ZFPM2: variants seen among roughly 807,000 people sequenced by gnomAD.
ZFPM2 encodes zinc finger protein ZFPM2.
A neutral mutation model predicts 98.6 loss-of-function variants in ZFPM2; 20 were observed. That is an observed-to-expected ratio of 0.20 (90% CI 0.14 to 0.29). The LOEUF is 0.29. Among genes scored for constraint, ZFPM2 ranks in the 10% least tolerant of loss-of-function variants. The pLI is 1.00. For missense variants in ZFPM2, 1,310 were observed against 1,388.6 expected, an observed-to-expected ratio of 0.94 and a Z score of 0.90; for synonymous variants, 518 against 502.7, an observed-to-expected ratio of 1.03 and a Z score of -0.41.
At chr8:105,574,660 G>T (rs1290399019) in intron 4 of ZFPM2, among the ~76,000 whole-genome samples, 1 of 152,054 alleles carries the variant, frequency 6.6e-6, no homozygotes, top group East Asian at 1.9e-4. Flanking sequence ...CACGTCACGT[G>T]CCTTAAGTTT....
At chr8:105,728,585 A>G (rs1452672848) in intron 5 of ZFPM2, among the ~76,000 whole-genome samples, 3 of 151,780 alleles carry the variant, frequency 2.0e-5, no homozygotes, top group Non-Finnish European at 4.4e-5. Context: ...CTGCCTGTCA[A>G]TGAGACAGGG....
intron 3 of ZFPM2, among the ~76,000 whole-genome samples, chr8:105,503,609 G>A (rs1197262496): frequency 6.6e-6 from 1 of 152,100 alleles, no homozygotes; most frequent in Non-Finnish European, 1.5e-5. Flanking sequence ...CTGTGAGCAG[G>A]GTTATGTGAT....
rs1313698593 is a variant in ZFPM2 at position 105,441,466 on chromosome 8, G to GA, written c.200-2811dup. Among the ~76,000 whole-genome samples, 11 of 64,410 alleles carry GA rather than the reference G, an allele frequency of 1.7e-4. 1 individual carries two copies. Among genetic ancestry groups the GA allele is most frequent in the African/African-American group, 7.3e-4 (5 of 6,870 alleles). 42.3% of individuals were successfully genotyped at this position (64,410 alleles called of 152,430 possible). On this transcript the variant is annotated intron_variant, in intron 2 of 7. Transcript: ENST00000407775. The stretch of plus-strand genomic sequence containing the variant: ...AGAGAGAGAGAGAGAAAGAAAGAAA[G>GA]AAAGAAAGAAAGAAAGAAAGAAAGA...
In ZFPM2 at chr8:105,405,378, C is replaced by T. The variant is rs1415945732; in HGVS notation, c.41-13766C>T. ...ATGTGCCATGTTGGTGTGCTGCACCCATTAACTCGTCATTTAGCATTAGAT... is the reference window on the plus strand; with the variant it reads ...ATGTGCCATGTTGGTGTGCTGCACCTATTAACTCGTCATTTAGCATTAGAT... On this transcript the variant is annotated intron_variant, in intron 1 of 7. Coordinates refer to ENST00000407775, the MANE Select transcript of ZFPM2 (RefSeq NM_012082.4). 2.6e-5 allele frequency among the ~76,000 whole-genome samples: 4 copies of T among 151,518 alleles called. 1 individual carries two copies. Among genetic ancestry groups the T allele is most frequent in the Admixed American group, 1.3e-4 (2 of 15,156 alleles).
At chr8:105,718,675 A>G (rs1272851726) in intron 5 of ZFPM2, among the ~76,000 whole-genome samples, 1 of 151,918 alleles carries the variant, frequency 6.6e-6, no homozygotes, top group Non-Finnish European at 1.5e-5. Context: ...AAACACATAC[A>G]GTGGAATTAC....
At chr8:105,696,372 C>T (rs772795554) in intron 5 of ZFPM2, among the ~76,000 whole-genome samples, 4 of 152,148 alleles carry the variant, frequency 2.6e-5, no homozygotes, top group East Asian at 1.9e-4. Context: ...CTGTCACCTG[C>T]GTAATAAAGT....
chr8:105,463,748 C>G, intron 3 of ZFPM2, among the ~76,000 whole-genome samples: 1 of 151,974 alleles, frequency 6.6e-6, no homozygotes, highest in East Asian at 1.9e-4. Context: ...AAGGCTGTTA[C>G]ATTTTTTTTT....
chr8:105,748,038 T>C (rs1812388066), intron 5 of ZFPM2, among the ~76,000 whole-genome samples: 1 of 152,124 alleles, frequency 6.6e-6, no homozygotes, highest in Admixed American at 6.6e-5. Context: ...TTGACCATAA[T>C]GTCTTAACAG....
chr8:105,377,883 A>G (rs550977612), intron 1 of ZFPM2, among the ~76,000 whole-genome samples: 1 of 152,228 alleles, frequency 6.6e-6, no homozygotes, highest in East Asian at 1.9e-4. Flanking sequence ...TTCCCTCTTA[A>G]CAACAATTTG....
intron 3 of ZFPM2, among the ~76,000 whole-genome samples, chr8:105,543,363 G>A (rs901773175): frequency 6.6e-6 from 1 of 152,084 alleles, no homozygotes; most frequent in African/African-American, 2.4e-5. Flanking sequence ...GCCCACACCT[G>A]TGGTCCCAGC....
At position 105,441,018 on chromosome 8, in the gene ZFPM2, G is replaced by A. The variant is rs1198112372; in HGVS notation, c.200-3262G>A. Among the ~76,000 whole-genome samples, 2 of 152,036 alleles carry A rather than the reference G, an allele frequency of 1.3e-5. 1 individual carries two copies. The highest frequency in any genetic ancestry group is 2.9e-5 in the Non-Finnish European group (2 of 68,028). On this transcript the variant is annotated intron_variant, in intron 2 of 7. Coordinates refer to ENST00000407775, the MANE Select transcript of ZFPM2 (RefSeq NM_012082.4). ...TACAAAAAAAAAATTAGCCAGGCAT[G>A]GTGGCGCCTGCCTGTAATCCCAGCT... is the stretch of plus-strand genomic sequence containing the variant.
At chr8:105,590,839 C>G (rs1815827167) in intron 4 of ZFPM2, among the ~76,000 whole-genome samples, 2 of 152,174 alleles carry the variant, frequency 1.3e-5, no homozygotes, top group South Asian at 4.1e-4. Context: ...TCACTTTACA[C>G]AAGACACATG....
intron 3 of ZFPM2, among the ~76,000 whole-genome samples, chr8:105,453,609 T>G (rs1280462197): frequency 6.6e-6 from 1 of 150,844 alleles, no homozygotes; most frequent in Non-Finnish European, 1.5e-5. Context: ...CCTTCTAAAT[T>G]TTTTTTTCTG....
chr8:105,446,155 C>T (rs1202698293), intron 3 of ZFPM2, among the ~76,000 whole-genome samples: 7 of 152,066 alleles, frequency 4.6e-5, no homozygotes, highest in Admixed American at 1.3e-4. Flanking sequence ...CTCCTGACCT[C>T]GTGATCCTCC....
intron 3 of ZFPM2, among the ~76,000 whole-genome samples, chr8:105,518,557 A>G (rs1481859764): frequency 6.6e-6 from 1 of 152,234 alleles, no homozygotes; most frequent in African/African-American, 2.4e-5. Flanking sequence ...CACTGAAATC[A>G]TGCAGATTCC....
intron 4 of ZFPM2, among the ~76,000 whole-genome samples, chr8:105,606,558 A>T (rs1161346541): frequency 1.3e-5 from 2 of 152,082 alleles, no homozygotes; most frequent in African/African-American, 2.4e-5. Flanking sequence ...TTTGAATTTT[A>T]AAATAGGTTA....
rs184627029 is a variant in ZFPM2, at chr8:105,324,096, A to G, written c.40+5115A>G. On this transcript the variant is annotated intron_variant, in intron 1 of 7. Transcript: ENST00000407775. The stretch of plus-strand genomic sequence containing the variant: ...TGCCATATATTAAGTTGGTATTATT[A>G]AGTTAGGAAGGAAGACAATGCAATT... Among the ~76,000 whole-genome samples the G allele has an allele frequency of 2.2e-3, 332 of 151,930 alleles. 2 individuals carry two copies. The highest frequency in any genetic ancestry group is 7.7e-3 in the African/African-American group (321 of 41,534).
intron 4 of ZFPM2, among the ~76,000 whole-genome samples, chr8:105,618,923 C>G (rs1003660901): frequency 6.6e-6 from 1 of 151,912 alleles, no homozygotes; most frequent in African/African-American, 2.4e-5. Context: ...GGTTATATTT[C>G]CCAAAATATA....
intron 3 of ZFPM2, among the ~76,000 whole-genome samples, chr8:105,537,166 G>C (rs757440893): frequency 1.4e-4 from 22 of 152,022 alleles, no homozygotes; most frequent in Non-Finnish European, 2.8e-4. Context: ...TCTTAATCCA[G>C]TTGACCCAGT....
Sources: allele counts gnomAD v4.1 joint callset (sites outside exome capture counted in the v4.1 genomes callset), GRCh38; gene constraint gnomAD v4.1.1; transcripts MANE v1.5; gene names NCBI Gene and HGNC (gene_info 2026-07-23, HGNC 2026-07-21).